Variants in SNX13 observed in about 807,000 individuals in gnomAD.
The protein encoded by SNX13 is sorting nexin 13.
Under a neutral mutation model 133.6 loss-of-function variants are expected in SNX13, and 45 were observed. The observed-to-expected ratio is 0.34, with a 90% CI of 0.27 to 0.43. The LOEUF (loss-of-function observed/expected upper bound fraction) is 0.43. SNX13 is among the 20% of genes least tolerant of loss of function. The pLI is 1.00. For missense variants in SNX13, 1,032 were observed against 1,145.1 expected (o/e 0.90, Z 1.43); for synonymous variants, 414 against 373.9 (o/e 1.11, Z -1.24).
At chr7:17,897,188 G>T (rs1379763575) in intron 2 of SNX13, 146 bp downstream of exon 2, 6 of 412,546 alleles carry the variant, frequency 1.5e-5, no homozygotes, top group African/African-American at 6.2e-5. Context: ...TATTTTTATG[G>T]GTATCCTTAT....
At position 17,831,274 on chromosome 7, in the gene SNX13, G is replaced by A. The variant is rs902926306; in HGVS notation, c.1598-1227C>T. The A allele has an allele frequency of 2.1e-5, 21 of 976,900 alleles. No homozygotes were observed. The African/African-American group carries it at 3.7e-4, about 17-fold the overall frequency. 60.5% of individuals were successfully genotyped at this position (976,900 alleles called of 1,614,324 possible). On this transcript the variant is annotated intron_variant, in intron 15 of 25. Transcript: ENST00000428135. ...TACAAATATTAGAAAACAAAAGAAAGCACTGTTCAACATGGTGAGACAAAT... is the reference window on the plus strand; with the variant it reads ...TACAAATATTAGAAAACAAAAGAAAACACTGTTCAACATGGTGAGACAAAT...
chr7:17,930,075 A>C (rs367861565), intron 1 of SNX13, among the ~76,000 whole-genome samples: 83,885 of 150,930 alleles, frequency 0.56, 23,768 homozygotes, highest in Non-Finnish European at 0.6. Context: ...AGAATAAAGA[A>C]TAAGAAAAAG....
intron 1 of SNX13, among the ~76,000 whole-genome samples, chr7:17,938,174 G>C (rs1025451282): frequency 1.3e-5 from 2 of 152,194 alleles, no homozygotes; most frequent in African/African-American, 2.4e-5. Context: ...AGGAAAAAAA[G>C]CTAAGGTAAA....
chr7:17,930,277 G>A (rs12699918), intron 1 of SNX13, among the ~76,000 whole-genome samples: 58,575 of 151,948 alleles, frequency 0.39, 12,830 homozygotes, highest in Non-Finnish European at 0.48. Flanking sequence ...TGAAACGTTA[G>A]CAACCTTTCC....
rs1357639416 is a variant in SNX13, at chr7:17,839,907, A to G, written c.1259T>C (p.Leu420Ser). 1 of 1,612,182 alleles carries G rather than the reference A, an allele frequency of 6.2e-7. No individual in the cohort carries two copies. The highest frequency in any genetic ancestry group is 1.3e-5 in the African/African-American group (1 of 74,916). Residue 420 changes from leucine (L) to serine (S), a missense_variant, in exon 13 of 26, where the codon TTA (leucine) becomes TCA (serine). Leu to Ser is a moderately radical substitution (Grantham distance 145). Transcript: ENST00000428135. ...TTTTCCATCTCTCTGACGACTTAAT[A>G]AAACTTCTAGCTGCTGTTGGGCGGT... ...RVTAQQQLEV[L>S]LSRQRDGKHQ... is the part of the protein sequence containing the mutation.
intron 15 of SNX13, among the ~76,000 whole-genome samples, chr7:17,832,884 C>A (rs1310733435): frequency 6.6e-6 from 1 of 151,194 alleles, no homozygotes; most frequent in African/African-American, 2.4e-5. Context: ...ATTTAAAAAA[C>A]AAAATCTCAC....
chr7:17,880,118 T>A (rs1795176160), intron 5 of SNX13: 3 of 152,328 alleles, frequency 2.0e-5, no homozygotes, highest in Admixed American at 6.5e-5. Context: ...CTCTGCTGAG[T>A]GGTATTAACA....
chr7:17,795,972 G>A lies in SNX13; in HGVS notation c.2626+855C>T, dbSNP rs190091486. 1.4e-3 allele frequency: 209 copies of A among 151,506 alleles called. 2 individuals are homozygous for A. Among genetic ancestry groups the A allele is most frequent in the African/African-American group, 4.6e-3 (192 of 41,396 alleles). 9.4% of individuals were successfully genotyped at this position (151,506 alleles called of 1,614,324 possible). A position where few individuals can be genotyped will look rare whatever the true frequency, so the allele number is the denominator to read the frequency against. ...CATTAAAATTTATAGAGAAAATACAGGTAAGAAAACAAAATTAGAGAAAAA... is the reference window on the plus strand; with the variant it reads ...CATTAAAATTTATAGAGAAAATACAAGTAAGAAAACAAAATTAGAGAAAAA... On this transcript the variant is annotated intron_variant, in intron 25 of 25. Transcript: ENST00000428135.
intron 16 of SNX13, among the ~76,000 whole-genome samples, chr7:17,828,161 G>T (rs1435583184): frequency 6.6e-6 from 1 of 151,614 alleles, no homozygotes; most frequent in Non-Finnish European, 1.5e-5. Context: ...TACATATGAT[G>T]AAAACTTTGG....
At chr7:17,854,296 C>A (rs1446904631) in intron 9 of SNX13, among the ~76,000 whole-genome samples, 1 of 152,182 alleles carries the variant, frequency 6.6e-6, no homozygotes, top group African/African-American at 2.4e-5. Flanking sequence ...GTACTGCCCT[C>A]TAGGCATATG....
At chr7:17,809,282 C>CAAAAAAAAAAAAAAAAAAA (rs535077123) in intron 20 of SNX13, among the ~76,000 whole-genome samples, 1 of 49,274 alleles carries the variant, frequency 2.0e-5, no homozygotes, top group African/African-American at 8.1e-5. Flanking sequence ...AGATGGAAAG[C>CAAAAAAAAAAAAAAAAAAA]AAAAAAAAAA....
chr7:17,892,086 T>C (rs1200802561), intron 3 of SNX13, among the ~76,000 whole-genome samples: 1 of 152,052 alleles, frequency 6.6e-6, no homozygotes, highest in Admixed American at 6.6e-5. Context: ...AAAATGTACT[T>C]CTCTACTTTT....
intron 8 of SNX13, among the ~76,000 whole-genome samples, chr7:17,869,087 C>T (rs1250698981): frequency 2.0e-5 from 3 of 152,022 alleles, no homozygotes; most frequent in African/African-American, 4.8e-5. Flanking sequence ...GTTTATGTTC[C>T]TATGCAGAAC....
intron 9 of SNX13, among the ~76,000 whole-genome samples, chr7:17,857,652 C>A (rs995142456): frequency 1.3e-5 from 2 of 152,060 alleles, no homozygotes; most frequent in South Asian, 4.2e-4. Context: ...GGCATGCTGG[C>A]GGGCATCTGT....
At chr7:17,882,885 A>G in intron 5 of SNX13, 1 of 1,272,054 alleles carries the variant, frequency 7.9e-7, no homozygotes, top group Non-Finnish European at 1.0e-6. Flanking sequence ...CAGGAAGCGG[A>G]GGTTGCAGTG....
At chr7:17,888,693 T>C (rs1473539129) in intron 5 of SNX13, 2 of 470,864 alleles carry the variant, frequency 4.2e-6, no homozygotes, top group Admixed American at 2.3e-5. Context: ...AGCAGGGACT[T>C]TGTTTTATTC....
At chr7:17,805,211 T>TGTGTGTG (rs756302031) in intron 20 of SNX13, among the ~76,000 whole-genome samples, 2 of 118,522 alleles carry the variant, frequency 1.7e-5, no homozygotes, top group African/African-American at 3.4e-5. Flanking sequence ...TAATGATTCT[T>TGTGTGTG]TGTGTGTGTG....
intron 1 of SNX13, among the ~76,000 whole-genome samples, chr7:17,910,907 G>T (rs917235069): frequency 6.6e-6 from 1 of 152,122 alleles, no homozygotes; most frequent in African/African-American, 2.4e-5. Flanking sequence ...GAGGAAAATG[G>T]CTTAATGGAT....
intron 1 of SNX13, among the ~76,000 whole-genome samples, chr7:17,902,724 T>A (rs1797968268): frequency 6.6e-6 from 1 of 152,202 alleles, no homozygotes; most frequent in South Asian, 2.1e-4. Flanking sequence ...TTTACATTTT[T>A]AAAATTCTTT....
Sources: gnomAD v4.1 joint callset for allele counts (sites outside exome capture counted in the v4.1 genomes callset) on GRCh38, gnomAD v4.1.1 for gene constraint, MANE v1.5 for transcripts, NCBI Gene and HGNC (gene_info 2026-07-23, HGNC 2026-07-21) for gene names.